SCAF1: variants seen among roughly 807,000 people sequenced by gnomAD.
The protein encoded by SCAF1 is splicing factor, arginine/serine-rich 19.
A neutral mutation model predicts 91.2 loss-of-function variants in SCAF1; 28 were observed. The observed-to-expected ratio is 0.31, with a 90% CI of 0.23 to 0.42. The LOEUF is 0.42. Ranked by LOEUF, SCAF1 falls within the 10% of genes least tolerant of loss-of-function variation. The pLI, the probability that SCAF1 is intolerant of heterozygous loss-of-function variation, is 1.00. For missense variants in SCAF1, 1,893 were observed against 1,872.1 expected (o/e 1.01, Z -0.21); for synonymous variants, 1,036 against 833.7 (o/e 1.24, Z -4.18).
Position 49,646,635 on chromosome 19 carries a change from C to G in SCAF1, c.362+9C>G. On this transcript the variant is annotated intron_variant, in intron 5 of 10. Transcript: ENST00000360565. The surrounding 1 kb of genome is among the most constrained non-coding windows in gnomAD (Gnocchi z 5.6). ...GACCTGCGGCCTGGCGAGTGAGTAG[C>G]TGGGCAGCTGGAGTGGGAGAGGCCT... 6.2e-7 allele frequency: 1 copy of G among 1,613,876 alleles called. No homozygotes were observed. The highest frequency in any genetic ancestry group is 8.5e-7 in the Non-Finnish European group (1 of 1,179,814).
At position 49,646,708 on chromosome 19, in the gene SCAF1, C is replaced by T. The variant is rs749507023; in HGVS notation, c.363-7C>T. 2 of 1,613,518 alleles carry T rather than the reference C, an allele frequency of 1.2e-6. No individual in the cohort carries two copies. Among genetic ancestry groups the T allele is most frequent in the South Asian group, 2.2e-5 (2 of 91,046 alleles). On this transcript the variant is annotated splice_polypyrimidine_tract_variant and splice_region_variant and intron_variant, in intron 5 of 10. Transcript: ENST00000360565. The surrounding 1 kb of genome is among the most constrained non-coding windows in gnomAD (Gnocchi z 5.6). ...CCTGAGGCTCACCCACCCCTTCCGC[C>T]TTGCAGAAGTGAGGACATGCTGGAG...
chr19:49,650,775 G>A lies in SCAF1; in HGVS notation c.479-93G>A, dbSNP rs375306454. 88 of 965,052 alleles carry A rather than the reference G, an allele frequency of 9.1e-5. 2 individuals are homozygous for A. Among genetic ancestry groups the A allele is most frequent in the East Asian group, 7.4e-4 (28 of 37,628 alleles). 59.8% of individuals were successfully genotyped at this position (965,052 alleles called of 1,614,324 possible). A position where few individuals can be genotyped will look rare whatever the true frequency, so the allele number is the denominator to read the frequency against. On this transcript the variant is annotated intron_variant, in intron 6 of 10. Transcript: ENST00000360565. ...CTTGGGGCTTCCTGGGCAGGACCTG[G>A]TGGCCCAGGGAGTGTCCACGGCTGG... is the stretch of plus-strand genomic sequence containing the variant.
Position 49,651,606 on chromosome 19 carries a change from C to A in SCAF1, c.1217C>A (p.Ala406Glu). 1 of 1,510,960 alleles carries A rather than the reference C, an allele frequency of 6.6e-7. No homozygotes were observed. 93.6% of individuals were successfully genotyped at this position (1,510,960 alleles called of 1,614,324 possible). A position where few individuals can be genotyped will look rare whatever the true frequency, so the allele number is the denominator to read the frequency against. The change falls in exon 7 of 11, where the codon GCG becomes GAG. Residue 406 changes from alanine (A) to glutamate (E), a missense_variant. Physicochemically the swap from Ala to Glu is moderately radical, Grantham distance 107 (BLOSUM62 -1). Coordinates refer to ENST00000360565, the MANE Select transcript of SCAF1 (RefSeq NM_021228.3). ...IVQPEEEPRL[A>E]LSLFRPGGRA... ...CAGCCGGAGGAGGAGCCCAGGCTGGCGCTGTCCCTCTTCCGCCCCGGCGGC... is the reference window on the plus strand; with the variant it reads ...CAGCCGGAGGAGGAGCCCAGGCTGGAGCTGTCCCTCTTCCGCCCCGGCGGC...
rs1335564259 is a variant in SCAF1 at position 49,652,233 on chromosome 19, C to T, written c.1844C>T (p.Pro615Leu). The stretch of plus-strand genomic sequence containing the variant: ...CGACGGCGGCGGCGCTCCGCCTCCC[C>T]GCCCCCGGCCACTTCCTCATCGTCG... ...KRRRRRRSAS[P>L]PPATSSSSSS... Residue 615 changes from proline to leucine, a missense_variant, in exon 7 of 11, where the codon CCG becomes CTG. Transcript: ENST00000360565. The T allele has an allele frequency of 4.4e-6, 6 of 1,367,978 alleles. No homozygotes were observed. In the African/African-American group the frequency reaches 6.1e-5, roughly 14 times the overall value. The allele number at this position is 1,367,978 out of a possible 1,614,324, so 84.7% of individuals were successfully genotyped here.
At chr19:49,647,828 T>A (rs1488888445) in intron 6 of SCAF1, among the ~76,000 whole-genome samples, 1 of 151,978 alleles carries the variant, frequency 6.6e-6, no homozygotes, top group Non-Finnish European at 1.5e-5. Context: ...AGATGGGGTT[T>A]CACCATGCTG....
At position 49,658,483 on chromosome 19, in the gene SCAF1, C is replaced by G; in HGVS notation, c.*84C>G. ...CCACCTCCCCACCTCCCTCCCCCGT[C>G]AGTGGGATGACTGGGGGAGGGTTGC... On this transcript the variant is annotated 3_prime_UTR_variant, in exon 11 of 11. Coordinates refer to ENST00000360565, the MANE Select transcript of SCAF1 (RefSeq NM_021228.3). 1.3e-6 allele frequency: 1 copy of G among 752,968 alleles called. No homozygotes were observed. Among genetic ancestry groups the G allele is most frequent in the Non-Finnish European group, 2.1e-6 (1 of 468,058 alleles). 46.6% of individuals were successfully genotyped at this position (752,968 alleles called of 1,614,324 possible). A position where few individuals can be genotyped will look rare whatever the true frequency, so the allele number is the denominator to read the frequency against.
chr19:49,641,271 T>C (rs947907401), upstream of SCAF1, among the ~76,000 whole-genome samples: 4 of 152,202 alleles, frequency 2.6e-5, no homozygotes, highest in African/African-American at 4.8e-5. Flanking sequence ...TTCTCTGTAC[T>C]GAACGAGGCG....
At chr19:49,656,516 G>C (rs2081140297) in intron 9 of SCAF1, among the ~76,000 whole-genome samples, 1 of 152,202 alleles carries the variant, frequency 6.6e-6, no homozygotes, top group South Asian at 2.1e-4. Flanking sequence ...ACTGTCCCTT[G>C]TGCCTGCAGA....
Position 49,653,785 on chromosome 19 carries a change from G to C in SCAF1, c.3316+80G>C, listed in dbSNP as rs887906423. 189 of 1,332,872 alleles carry C rather than the reference G, an allele frequency of 1.4e-4. 2 individuals carry two copies. The highest frequency in any genetic ancestry group is 9.3e-4 in the Admixed American group (31 of 33,230). 82.6% of individuals were successfully genotyped at this position (1,332,872 alleles called of 1,614,324 possible). ...TGGAGGGTACAGACTTAGAGGCAGT[G>C]GGGTGCCCTGGCAGGGAGAGGTTTA... On this transcript the variant is annotated intron_variant, in intron 7 of 10. Coordinates refer to ENST00000360565, the MANE Select transcript of SCAF1 (RefSeq NM_021228.3).
rs1473649426 is a variant in SCAF1 at position 49,651,381 on chromosome 19, C to T, written c.992C>T (p.Pro331Leu). 1 of 1,608,118 alleles carries T rather than the reference C, an allele frequency of 6.2e-7. No individual in the cohort carries two copies. The highest frequency in any genetic ancestry group is 8.5e-7 in the Non-Finnish European group (1 of 1,179,400). The part of the protein sequence containing the change: ...RPDAQPTQPT[P>L]APGTPPQVDS... ...GACGCGCAGCCCACACAGCCGACTC[C>T]CGCCCCTGGAACGCCGCCCCAGGTG... The change falls in exon 7 of 11, where the codon CCC (proline) becomes CTC (leucine). Residue 331 changes from proline (P) to leucine (L), a missense_variant. This residue lies in a region of SCAF1 where 1,436 missense variants were observed against 1,306.8 expected (regional missense o/e 1.10). Transcript: ENST00000360565.
chr19:49,650,771 C>A, intron 6 of SCAF1, 97 bp from the exon 7 acceptor site: 1 of 920,490 alleles, frequency 1.1e-6, no homozygotes, highest in South Asian at 1.7e-5. Flanking sequence ...CTGGGCAGGA[C>A]CTGGTGGCCC....
chr19:49,652,621 C>T lies in SCAF1; in HGVS notation c.2232C>T (p.Gly744=). The T allele has an allele frequency of 6.4e-7, 1 of 1,562,610 alleles. No homozygotes were observed. Among genetic ancestry groups the T allele is most frequent in the African/African-American group, 1.4e-5 (1 of 73,664 alleles). ...SEGLSGEERG[G]KSSQKDRRRS... is the part of the protein sequence containing the mutation. ...GACTGAGCGGCGAGGAGCGGGGCGGCAAGAGCAGCCAGAAGGATCGGCGCC... is the reference window on the plus strand; with the variant it reads ...GACTGAGCGGCGAGGAGCGGGGCGGTAAGAGCAGCCAGAAGGATCGGCGCC... Residue 744 remains glycine (G), a synonymous_variant, in exon 7 of 11, where the codon GGC becomes GGT. Coordinates refer to ENST00000360565, the MANE Select transcript of SCAF1 (RefSeq NM_021228.3).
rs759035426 is a variant in SCAF1, at chr19:49,652,390, G to A, written c.2001G>A (p.Pro667=). 2.6e-6 allele frequency: 4 copies of A among 1,565,416 alleles called. No homozygotes were observed. The highest frequency in any genetic ancestry group is 3.7e-5 in the Admixed American group (2 of 54,488). Residue 667 remains proline (P), a synonymous_variant, in exon 7 of 11, where the codon CCG becomes CCA. Transcript: ENST00000360565. ...GCGAGAAGGCCCCGGCGCCCGCCCC[G>A]CCGCCCTCTGGCTCCACCTCGTGTG... is the stretch of plus-strand genomic sequence containing the variant. The part of the protein sequence containing the change: ...DGSEKAPAPA[P]PPSGSTSCGD...
chr19:49,650,608 A>G lies in SCAF1; in HGVS notation c.479-260A>G, dbSNP rs1019723347. ...GTTCGGGGCCGCACTGACTGAGTTT[A>G]CACCCTGACTGCTGCCTTCTCTCTG... On this transcript the variant is annotated intron_variant, in intron 6 of 10. Coordinates refer to ENST00000360565, the MANE Select transcript of SCAF1 (RefSeq NM_021228.3). 5.3e-5 allele frequency among the ~76,000 whole-genome samples: 8 copies of G among 152,090 alleles called. No individual in the cohort carries two copies. The East Asian group carries it at 9.7e-4, about 18-fold the overall frequency.
rs2081099121 is a variant in SCAF1, at chr19:49,652,149, C to T, written c.1760C>T (p.Ser587Leu). The T allele has an allele frequency of 1.9e-6, 2 of 1,065,228 alleles. No homozygotes were observed. The highest frequency in any genetic ancestry group is 1.7e-5 in the African/African-American group (1 of 57,644). 66.0% of individuals were successfully genotyped at this position (1,065,228 alleles called of 1,614,324 possible). A position where few individuals can be genotyped will look rare whatever the true frequency, so the allele number is the denominator to read the frequency against. ...RSRSRSTRRRSRSTDRRRGGS... is the reference protein window; with the variant it reads ...RSRSRSTRRRLRSTDRRRGGS... ...CGCTCCCGCTCCACCCGCCGCCGCT[C>T]GCGCAGCACCGACCGCCGCCGCGGG... The change falls in exon 7 of 11, where the codon TCG becomes TTG. Residue 587 changes from serine (S) to leucine (L), a missense_variant. This residue lies in a region of SCAF1 where 1,436 missense variants were observed against 1,306.8 expected (regional missense o/e 1.10). Transcript: ENST00000360565.
chr19:49,646,730 G>A lies in SCAF1; in HGVS notation c.378G>A (p.Leu126=). Residue 126 remains leucine, a synonymous_variant, in exon 6 of 11, where the codon CTG becomes CTA. Coordinates refer to ENST00000360565, the MANE Select transcript of SCAF1 (RefSeq NM_021228.3). The surrounding 1 kb of genome is among the most constrained non-coding windows in gnomAD (Gnocchi z 5.6). ...CGCCTTGCAGAAGTGAGGACATGCT[G>A]GAGCTGGTGGCTGAGGTCCGAATCG... ...DLRPGESEDM[L]ELVAEVRIGD... The A allele has an allele frequency of 6.2e-7, 1 of 1,614,060 alleles. No homozygotes were observed. The highest frequency in any genetic ancestry group is 1.1e-5 in the South Asian group (1 of 91,064).
In SCAF1 at chr19:49,658,194, C is replaced by T; in HGVS notation, c.3748-14C>T. 1.2e-6 allele frequency: 2 copies of T among 1,606,436 alleles called. No homozygotes were observed. Among genetic ancestry groups the T allele is most frequent in the East Asian group, 2.2e-5 (1 of 44,730 alleles). ...GGAGCCTGGTGGTGACTCCAACTGT[C>T]CCCGGCCCCCCAGATCTGCCACAGC... is the stretch of plus-strand genomic sequence containing the variant. On this transcript the variant is annotated splice_polypyrimidine_tract_variant and intron_variant, in intron 10 of 10. Transcript: ENST00000360565.
chr19:49,655,961 G>A (rs1003894052), intron 9 of SCAF1, among the ~76,000 whole-genome samples: 16 of 152,238 alleles, frequency 1.1e-4, no homozygotes, highest in African/African-American at 3.9e-4. Context: ...ATGAGCCACT[G>A]CACCCAGCCT....
chr19:49,643,952 G>T (rs2081040952), intron 1 of SCAF1, among the ~76,000 whole-genome samples: 1 of 152,162 alleles, frequency 6.6e-6, no homozygotes, highest in African/African-American at 2.4e-5. Context: ...TGTGGGGGAA[G>T]CGAGGAGACA....
Sources: gnomAD v4.1 joint callset for allele counts (sites outside exome capture counted in the v4.1 genomes callset) on GRCh38, gnomAD v4.1.1 for gene constraint, gnomAD v4.1.1 regional missense constraint, Gnocchi (gnomAD v3.1) non-coding constraint, MANE v1.5 for transcripts, NCBI Gene and HGNC (gene_info 2026-07-23, HGNC 2026-07-21) for gene names.